The following VWA3B variants were observed in gnomAD, a reference collection of about 807,000 sequenced individuals.
VWA3B encodes the protein von Willebrand factor A domain containing 3B.
Under a neutral mutation model 158.3 loss-of-function variants are expected in VWA3B, and 138 were observed. That is an observed-to-expected ratio of 0.87 (90% CI 0.76 to 1.00). The LOEUF (loss-of-function observed/expected upper bound fraction) is 1.00, where lower values mean the gene tolerates loss of function less well. Ranked by LOEUF, VWA3B falls within the 50% of genes least tolerant of loss-of-function variation. VWA3B has a pLI of 0.00. For synonymous variants in VWA3B, 596 were observed against 587.3 expected, an observed-to-expected ratio of 1.01 and a Z score of -0.21; for missense variants, 1,555 against 1,565.1, an observed-to-expected ratio of 0.99 and a Z score of 0.11.
chr2:98,158,335 C>T (rs1678271538), intron 7 of VWA3B, among the ~76,000 whole-genome samples: 1 of 152,186 alleles, frequency 6.6e-6, no homozygotes. Context: ...ACAGCAAGTG[C>T]CCGAGCACTG....
chr2:98,314,723 A>G (rs56320609), downstream of VWA3B, among the ~76,000 whole-genome samples: 39,518 of 152,194 alleles, frequency 0.26, 5,335 homozygotes, highest in Admixed American at 0.34. Context: ...AAAATAACCC[A>G]TAATAAAGAG....
intron 21 of VWA3B, among the ~76,000 whole-genome samples, chr2:98,261,228 C>A (rs1574223516): frequency 6.6e-6 from 1 of 151,626 alleles, no homozygotes; most frequent in African/African-American, 2.4e-5. Context: ...TTATAGTTAA[C>A]CTCCTAAATT....
chr2:98,163,043 G>A (rs1011089281), intron 8 of VWA3B, 67 bp downstream of exon 8: 6 of 1,591,292 alleles, frequency 3.8e-6, no homozygotes, highest in African/African-American at 1.3e-5. Context: ...ACCAGGGGCT[G>A]CTTCCATGTT....
chr2:98,311,804 T>C lies in VWA3B; in HGVS notation c.3522-15T>C. 1 of 1,576,438 alleles carries C rather than the reference T, an allele frequency of 6.3e-7. No homozygotes were observed. Among genetic ancestry groups the C allele is most frequent in the Non-Finnish European group, 8.6e-7 (1 of 1,161,724 alleles). ...CCATCAAGGCAGGGTAACCCTGATC[T>C]CTCTCTGTCTCTAGAGAGGATGTGG... is the stretch of plus-strand genomic sequence containing the variant. On this transcript the variant is annotated splice_polypyrimidine_tract_variant and intron_variant, in intron 26 of 27. Transcript: ENST00000477737.
chr2:98,155,955 T>C (rs1268689378), intron 7 of VWA3B, among the ~76,000 whole-genome samples: 1 of 152,242 alleles, frequency 6.6e-6, no homozygotes, highest in Non-Finnish European at 1.5e-5. Context: ...CGTCTTAGAC[T>C]AAAGCTTTGT....
intron 26 of VWA3B, among the ~76,000 whole-genome samples, chr2:98,306,095 A>C (rs893954006): frequency 6.6e-6 from 1 of 152,122 alleles, no homozygotes; most frequent in Non-Finnish European, 1.5e-5. Flanking sequence ...CACCAGATTA[A>C]GTATTCTCCC....
intron 22 of VWA3B, among the ~76,000 whole-genome samples, chr2:98,280,343 GAAAA>G (rs1379713019): frequency 6.6e-6 from 1 of 151,744 alleles, no homozygotes; most frequent in Non-Finnish European, 1.5e-5. Context: ...CTGCCACAAA[GAAAA>G]GAAAGAGAGA....
intron 12 of VWA3B, among the ~76,000 whole-genome samples, chr2:98,209,304 G>A (rs1683295696): frequency 6.6e-6 from 1 of 151,884 alleles, no homozygotes; most frequent in Non-Finnish European, 1.5e-5. Context: ...TTTTTGAGAT[G>A]GAGTCTTGTA....
At chr2:98,193,734 C>G (rs560958399) in intron 11 of VWA3B, among the ~76,000 whole-genome samples, 1 of 151,932 alleles carries the variant, frequency 6.6e-6, no homozygotes, top group Non-Finnish European at 1.5e-5. Context: ...GGACTACAGG[C>G]GCCTGCCACC....
At chr2:98,097,105 A>T (rs1573747192) in intron 2 of VWA3B, among the ~76,000 whole-genome samples, 1 of 152,020 alleles carries the variant, frequency 6.6e-6, no homozygotes, top group Non-Finnish European at 1.5e-5. Context: ...TAATTAATAA[A>T]TTTTTTTACT....
At chr2:98,088,171 T>C (rs2104783307) in intron 1 of VWA3B, among the ~76,000 whole-genome samples, 1 of 152,242 alleles carries the variant, frequency 6.6e-6, no homozygotes, top group East Asian at 1.9e-4. Context: ...GGAAAAATCA[T>C]CGTTCACAAA....
At chr2:98,268,366 G>C (rs1340240162) in intron 21 of VWA3B, among the ~76,000 whole-genome samples, 1 of 151,936 alleles carries the variant, frequency 6.6e-6, no homozygotes, top group African/African-American at 2.4e-5. Flanking sequence ...TTCAACCCTG[G>C]GATGCAAGGC....
At chr2:98,216,388 A>G (rs1212574231) in intron 13 of VWA3B, among the ~76,000 whole-genome samples, 1 of 152,276 alleles carries the variant, frequency 6.6e-6, no homozygotes, top group Non-Finnish European at 1.5e-5. Flanking sequence ...ACTGGAATCA[A>G]GAAAATGGAC....
rs1685692368 is a variant in VWA3B at position 98,236,473 on chromosome 2, C to T, written c.2512C>T (p.His838Tyr). 1 of 1,614,058 alleles carries T rather than the reference C, an allele frequency of 6.2e-7. No individual in the cohort carries two copies. Among genetic ancestry groups the T allele is most frequent in the Non-Finnish European group, 8.5e-7 (1 of 1,180,032 alleles). Residue 838 changes from histidine (H) to tyrosine (Y), a missense_variant, in exon 18 of 28, where the codon CAC becomes TAC. Physicochemically the swap from His to Tyr is moderately conservative, Grantham distance 83 (BLOSUM62 2). Coordinates refer to ENST00000477737, the MANE Select transcript of VWA3B (RefSeq NM_144992.5). Reference protein sequence around the residue: ...VTREGSQVYDHDSSDVSSENW... With the variant: ...VTREGSQVYDYDSSDVSSENW... ...GCGAGAAGGAAGCCAGGTTTATGAC[C>T]ACGAGTGAGTTCTTTAATTTGACAA...
intron 7 of VWA3B, among the ~76,000 whole-genome samples, chr2:98,136,540 G>A (rs1676296766): frequency 6.6e-6 from 1 of 151,722 alleles, no homozygotes; most frequent in Middle Eastern, 3.2e-3. Flanking sequence ...ACGGTGCCTT[G>A]CTGCTGTATC....
intron 5 of VWA3B, among the ~76,000 whole-genome samples, chr2:98,122,987 G>C (rs928076448): frequency 6.6e-6 from 1 of 152,230 alleles, no homozygotes; most frequent in Non-Finnish European, 1.5e-5. Context: ...CCACAGCCTT[G>C]ATCTGGGGGT....
Position 98,311,805 on chromosome 2 carries a change from CT to C in VWA3B, c.3522-13del. 6.3e-7 allele frequency: 1 copy of C among 1,582,190 alleles called. No individual in the cohort carries two copies. The highest frequency in any genetic ancestry group is 8.6e-7 in the Non-Finnish European group (1 of 1,164,596). On this transcript the variant is annotated splice_polypyrimidine_tract_variant and intron_variant, in intron 26 of 27. Coordinates refer to ENST00000477737, the MANE Select transcript of VWA3B (RefSeq NM_144992.5). ...CATCAAGGCAGGGTAACCCTGATCT[CT>C]CTCTGTCTCTAGAGAGGATGTGGAG...
intron 8 of VWA3B, among the ~76,000 whole-genome samples, chr2:98,163,615 C>G (rs1678830199): frequency 6.6e-6 from 1 of 152,122 alleles, no homozygotes; most frequent in Admixed American, 6.5e-5. Flanking sequence ...AAAACCAGAC[C>G]TCTGTATAAA....
At chr2:98,287,531 T>A (rs1367567902) in intron 22 of VWA3B, among the ~76,000 whole-genome samples, 1 of 152,116 alleles carries the variant, frequency 6.6e-6, no homozygotes, top group Non-Finnish European at 1.5e-5. Flanking sequence ...AAGGGAGAGA[T>A]GAATGGGGAT....
Sources: gnomAD v4.1 joint callset for allele counts (sites outside exome capture counted in the v4.1 genomes callset) on GRCh38, gnomAD v4.1.1 for gene constraint, MANE v1.5 for transcripts, NCBI Gene and HGNC (gene_info 2026-07-23, HGNC 2026-07-21) for gene names.